KIAA1671: variants seen among roughly 807,000 people sequenced by gnomAD.
The protein encoded by KIAA1671 is uncharacterized protein KIAA1671.
In KIAA1671, 52 loss-of-function variants were observed where a neutral mutation model predicts 131.2. The observed-to-expected ratio is 0.40, with a 90% CI of 0.32 to 0.50. KIAA1671 has a LOEUF of 0.50. Ranked by LOEUF, KIAA1671 falls within the 20% of genes least tolerant of loss-of-function variation. The probability of loss-of-function intolerance (pLI) is 0.73; values close to 1 mark genes in which losing one functional copy is unlikely to be tolerated. For missense variants in KIAA1671, 2,360 were observed against 2,364.2 expected (o/e 1.00, Z 0.04); for synonymous variants, 1,003 against 961.6 (o/e 1.04, Z -0.80).
chr22:25,179,338 T>C, intron 9 of KIAA1671: 3 of 1,593,600 alleles, frequency 1.9e-6, no homozygotes, highest in Non-Finnish European at 2.6e-6. Flanking sequence ...CGCTGCTCCT[T>C]GTTCCTGCGC....
intron 6 of KIAA1671, chr22:25,112,180 G>A: frequency 2.5e-6 from 1 of 399,010 alleles, no homozygotes; most frequent in African/African-American, 2.1e-5. Context: ...CTGGCCCCAT[G>A]GATTACCTGG....
At chr22:24,989,602 G>C (rs1039006854) in intron 1 of KIAA1671, among the ~76,000 whole-genome samples, 2 of 152,166 alleles carry the variant, frequency 1.3e-5, no homozygotes, top group African/African-American at 4.8e-5. Flanking sequence ...CAGGGCTCAG[G>C]GGGGATGCAC....
At chr22:25,153,908 G>C (rs1356651911) in intron 6 of KIAA1671, among the ~76,000 whole-genome samples, 1 of 152,232 alleles carries the variant, frequency 6.6e-6, no homozygotes, top group African/African-American at 2.4e-5. Context: ...CAAGGCGCCT[G>C]CTAACCTGGT....
intron 6 of KIAA1671, chr22:25,050,892 T>G (rs2145821636): frequency 6.6e-6 from 1 of 152,214 alleles, no homozygotes; most frequent in South Asian, 2.1e-4. Flanking sequence ...GCTTATCTGA[T>G]TGTACTTGAA....
At chr22:25,149,724 C>T (rs1183712499) in intron 6 of KIAA1671, among the ~76,000 whole-genome samples, 1 of 152,084 alleles carries the variant, frequency 6.6e-6, no homozygotes, top group Non-Finnish European at 1.5e-5. Context: ...TCCCCGGACT[C>T]CTCTCTTGCC....
intron 4 of KIAA1671, among the ~76,000 whole-genome samples, 153 bp from the exon 5 acceptor site, chr22:25,038,607 C>G (rs902178651): frequency 6.6e-6 from 1 of 152,208 alleles, no homozygotes; most frequent in African/African-American, 2.4e-5. Flanking sequence ...TTCCCCACAT[C>G]CTCACCCACA....
intron 1 of KIAA1671, among the ~76,000 whole-genome samples, chr22:24,953,598 CGG>C (rs1477251765): frequency 2.0e-5 from 3 of 152,010 alleles, no homozygotes; most frequent in Non-Finnish European, 2.9e-5. Context: ...GATGGCGGCG[CGG>C]CCCACCCGGG....
intron 6 of KIAA1671, among the ~76,000 whole-genome samples, chr22:25,079,174 C>G (rs1929264656): frequency 6.6e-6 from 1 of 151,952 alleles, no homozygotes; most frequent in Non-Finnish European, 1.5e-5. Flanking sequence ...AGGCCCTGTT[C>G]TAAAGGTTTG....
intron 11 of KIAA1671, chr22:25,185,631 G>GAAGCTCTC (rs1934451096): frequency 6.6e-6 from 1 of 151,536 alleles, no homozygotes. Flanking sequence ...TGCCCCCCAA[G>GAAGCTCTC]AGGCTCTCAG....
chr22:25,071,108 A>G (rs1293328911), intron 6 of KIAA1671, among the ~76,000 whole-genome samples: 1 of 152,176 alleles, frequency 6.6e-6, no homozygotes, highest in Non-Finnish European at 1.5e-5. Context: ...TCTGTGAAAT[A>G]AGGAGTGGGT....
intron 6 of KIAA1671, among the ~76,000 whole-genome samples, chr22:25,157,308 C>G (rs1024021153): frequency 6.6e-6 from 1 of 152,138 alleles, no homozygotes; most frequent in African/African-American, 2.4e-5. Context: ...TTCTTGTGTC[C>G]TTAGGTATTC....
intron 1 of KIAA1671, among the ~76,000 whole-genome samples, chr22:25,007,258 C>T (rs1432483984): frequency 2.6e-5 from 4 of 151,950 alleles, no homozygotes; most frequent in Non-Finnish European, 4.4e-5. Flanking sequence ...GAGGCCGAGG[C>T]GGGCGGATCA....
chr22:25,134,925 A>G (rs1295647812), intron 6 of KIAA1671, among the ~76,000 whole-genome samples: 5 of 152,184 alleles, frequency 3.3e-5, no homozygotes, highest in Non-Finnish European at 5.9e-5. Flanking sequence ...ACTTAGCACC[A>G]TGTCACGTAG....
intron 6 of KIAA1671, among the ~76,000 whole-genome samples, chr22:25,142,876 TAATAA>T (rs1168956868): frequency 1.8e-4 from 28 of 152,000 alleles, no homozygotes; most frequent in Admixed American, 1.8e-3. Context: ...AATAAATAAA[TAATAA>T]AATAAACCAG....
At chr22:25,162,172 G>T (rs1464247740) in intron 6 of KIAA1671, among the ~76,000 whole-genome samples, 10 of 152,318 alleles carry the variant, frequency 6.6e-5, no homozygotes, top group African/African-American at 2.4e-4. Flanking sequence ...CACATTGTCA[G>T]CGCTCAGGAG....
At chr22:25,174,863 C>T (rs1394669196) in intron 8 of KIAA1671, 4 of 172,756 alleles carry the variant, frequency 2.3e-5, no homozygotes, top group African/African-American at 7.1e-5. Flanking sequence ...TAGTTGCAAG[C>T]ATGAAGAGGC....
At chr22:24,966,416 C>T (rs752454622) in intron 1 of KIAA1671, among the ~76,000 whole-genome samples, 4 of 152,204 alleles carry the variant, frequency 2.6e-5, no homozygotes, top group Non-Finnish European at 4.4e-5. Flanking sequence ...TGGGTTTTGG[C>T]AGGCACTGCC....
chr22:25,085,652 G>A (rs1355521511), intron 6 of KIAA1671, among the ~76,000 whole-genome samples: 1 of 152,062 alleles, frequency 6.6e-6, no homozygotes, highest in Non-Finnish European at 1.5e-5. Context: ...GTGTGAGCTG[G>A]TGTGTCTATG....
intron 6 of KIAA1671, among the ~76,000 whole-genome samples, chr22:25,106,374 G>A (rs1931005957): frequency 6.6e-6 from 1 of 152,212 alleles, no homozygotes; most frequent in Non-Finnish European, 1.5e-5. Context: ...TCCAGAGGAG[G>A]GTAGAGCTCT....
Sources: gnomAD v4.1 joint callset for allele counts (sites outside exome capture counted in the v4.1 genomes callset) on GRCh38, gnomAD v4.1.1 for gene constraint, MANE v1.5 for transcripts, NCBI Gene and HGNC (gene_info 2026-07-23, HGNC 2026-07-21) for gene names.